Variants in ATG4C observed in about 807,000 individuals in gnomAD.
The protein encoded by ATG4C is autophagy related 4C cysteine peptidase.
ATG4C carries 56 observed loss-of-function variants against 57.6 expected under a neutral mutation model. That is an observed-to-expected ratio of 0.97 (90% CI 0.78 to 1.21). ATG4C has a LOEUF of 1.21. Among genes scored for constraint, ATG4C ranks in the 50% most tolerant of loss-of-function variants. The pLI, the probability that ATG4C is intolerant of heterozygous loss-of-function variation, is 0.00. For synonymous variants in ATG4C, 157 were observed against 174.1 expected, an observed-to-expected ratio of 0.90 and a Z score of 0.78; for missense variants, 595 against 529.8, an observed-to-expected ratio of 1.12 and a Z score of -1.21.
intron 1 of ATG4C, among the ~76,000 whole-genome samples, chr1:62,785,003 A>G (rs182491226): frequency 1.2e-4 from 19 of 152,278 alleles, no homozygotes; most frequent in Admixed American, 6.5e-5. Context: ...TGTATTGGTT[A>G]TTTACCCACA....
chr1:62,792,143 C>T (rs1664296681), intron 1 of ATG4C, among the ~76,000 whole-genome samples: 1 of 152,014 alleles, frequency 6.6e-6, no homozygotes, highest in Non-Finnish European at 1.5e-5. Flanking sequence ...ATTACAGGCA[C>T]CCACCACCAT....
At chr1:62,846,245 T>G (rs137952375) in intron 10 of ATG4C, among the ~76,000 whole-genome samples, 165 of 152,274 alleles carry the variant, frequency 1.1e-3, no homozygotes, top group African/African-American at 3.7e-3. Flanking sequence ...AACATCCACT[T>G]CACCCTCCTA....
intron 10 of ATG4C, among the ~76,000 whole-genome samples, chr1:62,857,998 A>G (rs1213412080): frequency 6.6e-6 from 1 of 152,126 alleles, no homozygotes; most frequent in South Asian, 2.1e-4. Flanking sequence ...TCTTACATCT[A>G]CCTGCCCCTT....
At chr1:62,846,424 C>A (rs143304619) in intron 10 of ATG4C, among the ~76,000 whole-genome samples, 5 of 152,242 alleles carry the variant, frequency 3.3e-5, no homozygotes, top group African/African-American at 1.2e-4. Context: ...TCTTGATGAT[C>A]TCATGCAGTC....
chr1:62,831,854 C>G (rs188926468), intron 7 of ATG4C, among the ~76,000 whole-genome samples: 35 of 152,310 alleles, frequency 2.3e-4, no homozygotes, highest in African/African-American at 8.4e-4. Flanking sequence ...ATACAGATGT[C>G]AAGAACCAAA....
intron 5 of ATG4C, among the ~76,000 whole-genome samples, chr1:62,820,303 G>A (rs1665440459): frequency 6.6e-6 from 1 of 152,012 alleles, no homozygotes; most frequent in Admixed American, 6.6e-5. Flanking sequence ...CACAGGTCTT[G>A]TAAAGGTTTC....
intron 10 of ATG4C, among the ~76,000 whole-genome samples, chr1:62,856,571 A>AT (rs1188546422): frequency 8.5e-5 from 13 of 152,200 alleles, no homozygotes; most frequent in Non-Finnish European, 5.9e-5. Context: ...AGGTATAGTA[A>AT]TTTGCCCAGG....
chr1:62,793,411 A>C (rs1233968343), intron 1 of ATG4C, among the ~76,000 whole-genome samples: 1 of 151,156 alleles, frequency 6.6e-6, no homozygotes, highest in Non-Finnish European at 1.5e-5. Context: ...CAGGAGTTTG[A>C]GATCAGCCTG....
chr1:62,834,123 G>A lies in ATG4C; in HGVS notation c.1012+7G>A. The A allele has an allele frequency of 3.1e-6, 5 of 1,608,516 alleles. No individual in the cohort carries two copies. The highest frequency in any genetic ancestry group is 3.4e-6 in the Non-Finnish European group (4 of 1,176,246). ...TACTTTGCTGGATTTCAAGGTTAGT[G>A]ATTTAGTAAAATATATTTCTTCATT... On this transcript the variant is annotated splice_region_variant and intron_variant, in intron 8 of 10. Transcript: ENST00000317868.
chr1:62,817,202 T>C (rs571459062), intron 4 of ATG4C, among the ~76,000 whole-genome samples: 27 of 152,306 alleles, frequency 1.8e-4, no homozygotes, highest in African/African-American at 5.5e-4. Context: ...TTTGAGGACA[T>C]ATGTAATATT....
In ATG4C at chr1:62,803,758, A is replaced by T; in HGVS notation, c.-29A>T. On this transcript the variant is annotated 5_prime_UTR_variant, in exon 2 of 11. It adds an upstream start codon to the 5' untranslated region. Transcript: ENST00000317868. ...TAAACTCTACAGAAGAATGCAATCA[A>T]GTGATGGCTTTTCCTTTAGAATTTG... The T allele has an allele frequency of 6.6e-7, 1 of 1,523,106 alleles. No homozygotes were observed. The highest frequency in any genetic ancestry group is 2.3e-5 in the East Asian group (1 of 43,904). 94.3% of individuals were successfully genotyped at this position (1,523,106 alleles called of 1,614,324 possible). A position where few individuals can be genotyped will look rare whatever the true frequency, so the allele number is the denominator to read the frequency against.
At chr1:62,847,114 G>A (rs1418662605) in intron 10 of ATG4C, among the ~76,000 whole-genome samples, 1 of 152,128 alleles carries the variant, frequency 6.6e-6, no homozygotes, top group East Asian at 1.9e-4. Context: ...GAGGTGGAGG[G>A]TGCAGTGAGC....
chr1:62,845,858 C>T (rs574911345), intron 10 of ATG4C, among the ~76,000 whole-genome samples: 2 of 151,976 alleles, frequency 1.3e-5, no homozygotes, highest in Admixed American at 6.6e-5. Flanking sequence ...TGCACCACCA[C>T]GCCTGGCTAA....
chr1:62,803,135 A>G (rs1256457716), intron 1 of ATG4C, among the ~76,000 whole-genome samples: 2 of 152,174 alleles, frequency 1.3e-5, no homozygotes, highest in African/African-American at 4.8e-5. Context: ...AAGTAAGAAC[A>G]TTTTCCGTTA....
At chr1:62,807,300 TA>T (rs1265605321) in intron 3 of ATG4C, among the ~76,000 whole-genome samples, 2 of 152,178 alleles carry the variant, frequency 1.3e-5, no homozygotes, top group African/African-American at 4.8e-5. Flanking sequence ...ACACAGTTGG[TA>T]AAACTCTTAA....
chr1:62,801,774 C>G (rs1030378107), intron 1 of ATG4C, among the ~76,000 whole-genome samples: 1 of 151,654 alleles, frequency 6.6e-6, no homozygotes, highest in African/African-American at 2.4e-5. Context: ...CTGGCTAACA[C>G]GGTGAAAACC....
chr1:62,827,866 GTTC>G (rs1302810851), intron 6 of ATG4C, among the ~76,000 whole-genome samples: 1 of 152,036 alleles, frequency 6.6e-6, no homozygotes, highest in East Asian at 1.9e-4. Flanking sequence ...GTGTTCATGA[GTTC>G]TAATCATTTA....
At chr1:62,834,366 C>T (rs1572148674) in intron 8 of ATG4C, among the ~76,000 whole-genome samples, 1 of 152,064 alleles carries the variant, frequency 6.6e-6, no homozygotes, top group East Asian at 1.9e-4. Flanking sequence ...CAGAAAACAT[C>T]ACTGCCACAT....
intron 6 of ATG4C, among the ~76,000 whole-genome samples, chr1:62,828,597 A>T (rs1175082696): frequency 6.6e-6 from 1 of 152,134 alleles, no homozygotes; most frequent in Non-Finnish European, 1.5e-5. Flanking sequence ...CACATTCAAT[A>T]GGTTATCTGT....
Sources: allele counts gnomAD v4.1 joint callset (sites outside exome capture counted in the v4.1 genomes callset), GRCh38; gene constraint gnomAD v4.1.1; transcripts MANE v1.5; gene names NCBI Gene and HGNC (gene_info 2026-07-23, HGNC 2026-07-21).